Variants in ASNS observed in about 807,000 individuals in gnomAD.
ASNS encodes asparagine synthetase (glutamine-hydrolyzing), also known as asparagine synthetase [glutamine-hydrolyzing].
In ASNS, 37 loss-of-function variants were observed where a neutral mutation model predicts 62.6. That is an observed-to-expected ratio of 0.59 (90% CI 0.45 to 0.78). The LOEUF (loss-of-function observed/expected upper bound fraction) is 0.78, where lower values mean the gene tolerates loss of function less well. Ranked by LOEUF, ASNS falls within the 30% of genes least tolerant of loss-of-function variation. The pLI is 0.00. For missense variants in ASNS, 520 were observed against 682.4 expected (o/e 0.76, Z 2.65); for synonymous variants, 207 against 237.9 (o/e 0.87, Z 1.19).
At chr7:97,892,695 GTC>G in the ASNS span, among the ~76,000 whole-genome samples, 3 of 152,134 alleles carry the variant, frequency 2.0e-5, no homozygotes, top group Non-Finnish European at 4.4e-5. Flanking sequence ...AAAGCCACCA[GTC>G]TCTTTGCTAA....
At chr7:97,918,694 T>C in the ASNS span, among the ~76,000 whole-genome samples, 4 of 152,130 alleles carry the variant, frequency 2.6e-5, no homozygotes, top group Admixed American at 2.6e-4. Context: ...AACCAAACTC[T>C]GCGGGTTCTC....
rs376493890 is a variant in ASNS, at chr7:97,864,269, T to C, written c.477A>G (p.Ser159=). ...MTEDGFLAVC[S]EAKGLVTLKH... The stretch of plus-strand genomic sequence containing the variant: ...AAAATTTATTATTACCTTTAGCTTC[T>C]GAACATACAGCCAAAAATCCATCTT... Residue 159 remains serine, a synonymous_variant, in exon 4 of 13, where the codon TCA becomes TCG. Coordinates refer to ENST00000394308, the MANE Select transcript of ASNS (RefSeq NM_001673.5). 25 of 1,612,942 alleles carry C rather than the reference T, an allele frequency of 1.5e-5. No homozygotes were observed. Among genetic ancestry groups the C allele is most frequent in the African/African-American group, 1.2e-4 (9 of 74,918 alleles).
At chr7:97,887,231 A>G in the ASNS span, among the ~76,000 whole-genome samples, 1 of 152,202 alleles carries the variant, frequency 6.6e-6, no homozygotes, top group Admixed American at 6.5e-5. Context: ...GCACAATTAC[A>G]TGCAGACCTG....
chr7:97,882,682 T>C, the ASNS span, among the ~76,000 whole-genome samples: 1 of 151,862 alleles, frequency 6.6e-6, no homozygotes, highest in Non-Finnish European at 1.5e-5. Flanking sequence ...AATCACTCCA[T>C]TGACTTCCCT....
At chr7:97,867,207 C>A (rs1792022912) in intron 3 of ASNS, among the ~76,000 whole-genome samples, 1 of 149,672 alleles carries the variant, frequency 6.7e-6, no homozygotes, top group Non-Finnish European at 1.5e-5. Context: ...CCAGCCTTTA[C>A]CCCATTCCTC....
At chr7:97,894,480 C>CAAAAAAAAAAAAAAAAAAAAAA in the ASNS span, among the ~76,000 whole-genome samples, 1 of 36,540 alleles carries the variant, frequency 2.7e-5, no homozygotes, top group African/African-American at 1.2e-4. Context: ...TGAGGCTAAC[C>CAAAAAAAAAAAAAAAAAAAAAA]AAAAAAAAAA....
At chr7:97,921,151 G>T in the ASNS span, among the ~76,000 whole-genome samples, 1 of 152,194 alleles carries the variant, frequency 6.6e-6, no homozygotes, top group South Asian at 2.1e-4. Flanking sequence ...TGATGCCAAA[G>T]ATCTGCAAAA....
chr7:97,889,988 T>C, the ASNS span, among the ~76,000 whole-genome samples: 3 of 118,698 alleles, frequency 2.5e-5, no homozygotes, highest in Non-Finnish European at 5.3e-5. Context: ...GAACGACAAA[T>C]TCAACAGAGA....
chr7:97,877,786 T>C, the ASNS span, among the ~76,000 whole-genome samples: 1 of 152,260 alleles, frequency 6.6e-6, no homozygotes, highest in Non-Finnish European at 1.5e-5. Flanking sequence ...ATCATCCTGC[T>C]TTGGATGAAC....
In ASNS at chr7:97,861,245, C is replaced by A. The variant is rs10261265; in HGVS notation, c.488-1847G>T. The stretch of plus-strand genomic sequence containing the variant: ...GCCAGGATGGTCTCGATCTCCTGAC[C>A]TCGTGATCCACCCGCCTCGGCCTCC... On this transcript the variant is annotated intron_variant, in intron 4 of 12. Coordinates refer to ENST00000394308, the MANE Select transcript of ASNS (RefSeq NM_001673.5). Among the ~76,000 whole-genome samples the A allele has an allele frequency of 6.5e-4, 98 of 151,928 alleles. No individual in the cohort carries two copies. The East Asian group carries it at 0.018, about 27-fold the overall frequency.
the ASNS span, among the ~76,000 whole-genome samples, chr7:97,902,690 C>T: frequency 6.6e-6 from 1 of 152,172 alleles, no homozygotes; most frequent in Non-Finnish European, 1.5e-5. Flanking sequence ...CACTGTGCTC[C>T]AGCCTGGGTG....
chr7:97,854,683 A>G lies in ASNS; in HGVS notation c.1138-3T>C, dbSNP rs199713721. The G allele has an allele frequency of 1.2e-6, 2 of 1,614,036 alleles. No individual in the cohort carries two copies. The highest frequency in any genetic ancestry group is 1.7e-6 in the Non-Finnish European group (2 of 1,179,966). On this transcript the variant is annotated splice_region_variant and splice_polypyrimidine_tract_variant and intron_variant, in intron 9 of 12. Transcript: ENST00000394308. ...TCGGCTTTTTCAGGAGAAGGAGCCT[A>G]TTTCACAAACAAAAACACCAAGAGT...
chr7:97,910,002 C>T, the ASNS span, among the ~76,000 whole-genome samples: 227 of 152,284 alleles, frequency 1.5e-3, no homozygotes, highest in African/African-American at 5.2e-3. Flanking sequence ...ATGACCCAGA[C>T]ATCAAGGAGT....
chr7:97,889,518 CA>C, the ASNS span, among the ~76,000 whole-genome samples: 1 of 150,220 alleles, frequency 6.7e-6, no homozygotes, highest in East Asian at 1.9e-4. Context: ...TCCATCTCAA[CA>C]ACCACAAAAA....
rs755945639 is a variant in ASNS at position 97,859,373 on chromosome 7, C to T, written c.513G>A (p.Ala171=). Residue 171 remains alanine, a synonymous_variant, in exon 5 of 13, where the codon GCG becomes GCA. Coordinates refer to ENST00000394308, the MANE Select transcript of ASNS (RefSeq NM_001673.5). The part of the protein sequence containing the change: ...AKGLVTLKHS[A]TPFLKVEPFL... ...AAGGCTCCACTTTTAAAAAGGGAGT[C>T]GCGGAGTGCTTCAATGTAACAAGAC... 11 of 1,612,546 alleles carry T rather than the reference C, an allele frequency of 6.8e-6. 1 individual carries two copies. Among genetic ancestry groups the T allele is most frequent in the South Asian group, 4.4e-5 (4 of 90,934 alleles).
the ASNS span, among the ~76,000 whole-genome samples, chr7:97,889,927 C>CAAAAAAAAAAAAAAAAAAAAAAAA: frequency 7.3e-4 from 28 of 38,562 alleles, no homozygotes; most frequent in South Asian, 3.2e-3. Context: ...ATAATGAATA[C>CAAAAAAAAAAAAAAAAAAAAAAAA]AAAAAAAAAA....
At chr7:97,879,252 T>C in the ASNS span, among the ~76,000 whole-genome samples, 1 of 152,148 alleles carries the variant, frequency 6.6e-6, no homozygotes, top group Non-Finnish European at 1.5e-5. Context: ...ACTTCATGTC[T>C]AAAACACCAA....
At chr7:97,879,827 A>G in the ASNS span, among the ~76,000 whole-genome samples, 930 of 152,344 alleles carry the variant, frequency 6.1e-3, 14 homozygotes, top group African/African-American at 0.022. Flanking sequence ...ATTGTTGCAC[A>G]GCAATAGATA....
At chr7:97,927,464 A>T in the ASNS span, among the ~76,000 whole-genome samples, 4 of 152,258 alleles carry the variant, frequency 2.6e-5, no homozygotes. Context: ...GGCTTGTGCC[A>T]TGTCAGCCAG....
Sources: allele counts gnomAD v4.1 joint callset (sites outside exome capture counted in the v4.1 genomes callset), GRCh38; gene constraint gnomAD v4.1.1; transcripts MANE v1.5; gene names NCBI Gene and HGNC (gene_info 2026-07-23, HGNC 2026-07-21).